Variants in NCOR1 observed in about 807,000 individuals in gnomAD.
The protein encoded by NCOR1 is nuclear receptor corepressor 1, also known as protein phosphatase 1, regulatory subunit 109.
NCOR1 carries 63 observed loss-of-function variants against 288.1 expected under a neutral mutation model. That is an observed-to-expected ratio of 0.22 (90% CI 0.18 to 0.27). The LOEUF (loss-of-function observed/expected upper bound fraction) is 0.27. Among genes scored for constraint, NCOR1 ranks in the 10% least tolerant of loss-of-function variants. The pLI is 1.00. For synonymous variants in NCOR1, 1,007 were observed against 1,065.9 expected, an observed-to-expected ratio of 0.94 and a Z score of 1.08; for missense variants, 2,397 against 3,019.2, an observed-to-expected ratio of 0.79 and a Z score of 4.83.
intron 26 of NCOR1, among the ~76,000 whole-genome samples, chr17:16,078,376 G>T (rs2062855686): frequency 6.6e-6 from 1 of 152,166 alleles, no homozygotes; most frequent in African/African-American, 2.4e-5. Context: ...CACTTCAGAA[G>T]TACTCATGTC....
chr17:16,124,149 C>T (rs1423737253), intron 15 of NCOR1, among the ~76,000 whole-genome samples: 1 of 152,128 alleles, frequency 6.6e-6, no homozygotes, highest in Non-Finnish European at 1.5e-5. Flanking sequence ...TCTTTTAAAA[C>T]ATGGCAAGTG....
chr17:16,133,219 C>T (rs1317259189), intron 14 of NCOR1, among the ~76,000 whole-genome samples: 1 of 152,170 alleles, frequency 6.6e-6, no homozygotes, highest in Non-Finnish European at 1.5e-5. Context: ...TCCACCCGCC[C>T]TGGACTCCCA....
chr17:16,163,489 ATATT>A (rs1245672779), intron 5 of NCOR1, among the ~76,000 whole-genome samples: 2 of 152,230 alleles, frequency 1.3e-5, no homozygotes, highest in African/African-American at 4.8e-5. Context: ...AAGGATGGCT[ATATT>A]TTTTTAAAAA....
At chr17:16,145,638 G>A (rs1599385014) in intron 10 of NCOR1, among the ~76,000 whole-genome samples, 1 of 152,272 alleles carries the variant, frequency 6.6e-6, no homozygotes, top group Non-Finnish European at 1.5e-5. Flanking sequence ...GCCCCGTCTG[G>A]GAAGTGAGGA....
chr17:16,103,926 C>T (rs1032522655), intron 19 of NCOR1, among the ~76,000 whole-genome samples: 1 of 152,230 alleles, frequency 6.6e-6, no homozygotes, highest in Non-Finnish European at 1.5e-5. Context: ...AGGAGAATCG[C>T]TTGAATCCGG....
chr17:16,175,558 A>T (rs1461896600), intron 3 of NCOR1, among the ~76,000 whole-genome samples: 1 of 152,176 alleles, frequency 6.6e-6, no homozygotes, highest in Non-Finnish European at 1.5e-5. Context: ...TTTCTTGCTA[A>T]AAGAGAATAT....
intron 6 of NCOR1, among the ~76,000 whole-genome samples, chr17:16,157,278 A>G (rs1164311973): frequency 1.3e-5 from 2 of 152,186 alleles, no homozygotes; most frequent in Non-Finnish European, 2.9e-5. Flanking sequence ...ATCTTCATGT[A>G]GACTGCTGTG....
At chr17:16,173,198 G>C (rs1223264919) in intron 3 of NCOR1, among the ~76,000 whole-genome samples, 1 of 152,034 alleles carries the variant, frequency 6.6e-6, no homozygotes, top group Non-Finnish European at 1.5e-5. Flanking sequence ...TGAGATTACA[G>C]GTGTGAGCCA....
chr17:16,109,233 T>G (rs2069454389), intron 18 of NCOR1, among the ~76,000 whole-genome samples: 1 of 151,956 alleles, frequency 6.6e-6, no homozygotes, highest in Non-Finnish European at 1.5e-5. Flanking sequence ...TAATGTTATC[T>G]AATAAAAACA....
chr17:16,090,650 A>G (rs2065027088), intron 22 of NCOR1, among the ~76,000 whole-genome samples: 1 of 152,200 alleles, frequency 6.6e-6, no homozygotes. Context: ...AGCGCCTTTT[A>G]TATTCCTTGG....
rs186588637 is a variant in NCOR1, at chr17:16,158,276, G to C, written c.732+484C>G. Among the ~76,000 whole-genome samples the C allele has an allele frequency of 2.1e-4, 32 of 152,134 alleles. 1 individual carries two copies. The East Asian group carries it at 5.6e-3, about 27-fold the overall frequency. ...GGCATGAGCCACCATGCCCCGCCTT[G>C]AACTTTTTAACTGAAGTTCAAACCA... On this transcript the variant is annotated intron_variant, in intron 6 of 45. Transcript: ENST00000268712.
chr17:16,161,230 GAC>G (rs67635232), intron 5 of NCOR1, among the ~76,000 whole-genome samples: 7,231 of 143,098 alleles, frequency 0.051, 286 homozygotes, highest in African/African-American at 0.12. Context: ...AACACACACA[GAC>G]ACACACACAC....
intron 30 of NCOR1, 124 bp downstream of exon 30, chr17:16,071,285 G>A (rs2152733048): frequency 7.3e-7 from 1 of 1,379,128 alleles, no homozygotes; most frequent in Non-Finnish European, 9.8e-7. Flanking sequence ...AAAGGTACAG[G>A]AAACTTTCAT....
chr17:16,043,274 T>C (rs1010927709), intron 42 of NCOR1, among the ~76,000 whole-genome samples: 1 of 152,208 alleles, frequency 6.6e-6, no homozygotes, highest in African/African-American at 2.4e-5. Flanking sequence ...GAAGTGAAGC[T>C]GTGTTGGCTG....
At chr17:16,090,428 A>G (rs953342504) in intron 22 of NCOR1, among the ~76,000 whole-genome samples, 4 of 152,170 alleles carry the variant, frequency 2.6e-5, no homozygotes, top group African/African-American at 9.6e-5. Flanking sequence ...TCAAAAGACA[A>G]ACACCTGCGA....
At chr17:16,165,941 A>C (rs2081929415) in intron 4 of NCOR1, among the ~76,000 whole-genome samples, 3 of 152,210 alleles carry the variant, frequency 2.0e-5, no homozygotes. Context: ...AGAAACCTAC[A>C]ATGAGGGTAG....
chr17:16,032,094 A>C lies in NCOR1; in HGVS notation c.*202T>G, dbSNP rs1439912408. On this transcript the variant is annotated 3_prime_UTR_variant, in exon 46 of 46. Transcript: ENST00000268712. ...TATAGTCCACTGAATTGCCTGTATC[A>C]AAGGCAGTTTTTTGTTTGTTTTTTT... 1 of 544,272 alleles carries C rather than the reference A, an allele frequency of 1.8e-6. No individual in the cohort carries two copies. The highest frequency in any genetic ancestry group is 3.1e-6 in the Non-Finnish European group (1 of 319,940). The allele number at this position is 544,272 out of a possible 1,614,324, so 33.7% of individuals were successfully genotyped here. A position where few individuals can be genotyped will look rare whatever the true frequency, so the allele number is the denominator to read the frequency against.
At chr17:16,185,680 T>A (rs1198279316) in intron 3 of NCOR1, among the ~76,000 whole-genome samples, 1 of 61,462 alleles carries the variant, frequency 1.6e-5, no homozygotes, top group Non-Finnish European at 3.2e-5. Context: ...TGAGACTCTT[T>A]CTCAAAAAAA....
intron 1 of NCOR1, among the ~76,000 whole-genome samples, chr17:16,195,649 T>C (rs901651166): frequency 4.6e-5 from 7 of 152,242 alleles, no homozygotes; most frequent in Non-Finnish European, 8.8e-5. Flanking sequence ...TTTCACCTCA[T>C]TGTGCTTTGC....
Sources: gnomAD v4.1 joint callset for allele counts (sites outside exome capture counted in the v4.1 genomes callset) on GRCh38, gnomAD v4.1.1 for gene constraint, MANE v1.5 for transcripts, NCBI Gene and HGNC (gene_info 2026-07-23, HGNC 2026-07-21) for gene names.